Variants in PDE8A observed in about 807,000 individuals in gnomAD.
PDE8A encodes the protein phosphodiesterase 8A, also known as high affinity cAMP-specific and IBMX-insensitive 3',5'-cyclic phosphodiesterase 8A.
PDE8A carries 59 observed loss-of-function variants against 105.0 expected under a neutral mutation model. The ratio of observed to expected loss-of-function variants is 0.56; its 90% CI spans 0.46 to 0.70. PDE8A has a LOEUF of 0.70. Ranked by LOEUF, PDE8A falls within the 30% of genes least tolerant of loss-of-function variation. PDE8A has a pLI of 0.00. For missense variants in PDE8A, 1,014 were observed against 1,045.9 expected, an observed-to-expected ratio of 0.97 and a Z score of 0.42; for synonymous variants, 355 against 371.9, an observed-to-expected ratio of 0.95 and a Z score of 0.52.
Position 85,137,802 on chromosome 15 carries a change from G to GTA in PDE8A, c.2390_2391dup (p.Asp798Ter). On this transcript the variant is annotated frameshift_variant, in exon 22 of 22. Transcript: ENST00000394553. LOFTEE classifies it high-confidence loss of function. Reference sequence around the variant, plus strand: ...ATTCCTATCTTTCTCTCCAGCCTTTGTAGACCTGCCTGATTTAATGCAGCA... The same window carrying GTA: ...ATTCCTATCTTTCTCTCCAGCCTTTGTATAGACCTGCCTGATTTAATGCAGCA... 6.2e-7 allele frequency: 1 copy of GTA among 1,602,144 alleles called. No individual in the cohort carries two copies. Among genetic ancestry groups the GTA allele is most frequent in the Non-Finnish European group, 8.6e-7 (1 of 1,169,012 alleles).
chr15:85,116,218 T>G, intron 16 of PDE8A, 99 bp downstream of exon 16: 2 of 1,262,580 alleles, frequency 1.6e-6, no homozygotes, highest in Non-Finnish European at 2.2e-6. Context: ...GCCTGGTACC[T>G]GGTCAGGGTG....
intron 8 of PDE8A, among the ~76,000 whole-genome samples, chr15:85,097,119 G>A (rs2081768398): frequency 6.7e-6 from 1 of 149,222 alleles, no homozygotes; most frequent in Admixed American, 6.6e-5. Flanking sequence ...ATACCCTAGG[G>A]GTTCAGTGTC....
intron 8 of PDE8A, among the ~76,000 whole-genome samples, chr15:85,096,464 TAAAG>T (rs2081755554): frequency 1.3e-5 from 2 of 152,090 alleles, no homozygotes; most frequent in South Asian, 4.1e-4. Flanking sequence ...TCTCAAAAGA[TAAAG>T]AAAGTATACT....
At chr15:85,014,696 T>C (rs1326105856) in intron 1 of PDE8A, among the ~76,000 whole-genome samples, 1 of 152,206 alleles carries the variant, frequency 6.6e-6, no homozygotes, top group African/African-American at 2.4e-5. Context: ...GTACTCTTGA[T>C]TTGCTTTTCT....
At chr15:85,001,135 C>G (rs1157598223) in intron 1 of PDE8A, among the ~76,000 whole-genome samples, 1 of 152,168 alleles carries the variant, frequency 6.6e-6, no homozygotes, top group East Asian at 1.9e-4. Flanking sequence ...TCCTGTGCCT[C>G]ACACACTGAA....
At chr15:85,136,335 A>G (rs2082408968) in intron 20 of PDE8A, among the ~76,000 whole-genome samples, 199 bp from the exon 21 acceptor site, 1 of 152,306 alleles carries the variant, frequency 6.6e-6, no homozygotes, top group African/African-American at 2.4e-5. Flanking sequence ...CTCAGACCCC[A>G]CTGACATGGA....
intron 1 of PDE8A, among the ~76,000 whole-genome samples, chr15:85,028,726 T>G (rs112036186): frequency 2.0e-5 from 3 of 152,216 alleles, no homozygotes; most frequent in African/African-American, 7.2e-5. Flanking sequence ...TTTTTAATCC[T>G]CATCTCAAAT....
chr15:85,135,970 C>T (rs2082402764), intron 20 of PDE8A, among the ~76,000 whole-genome samples: 1 of 152,028 alleles, frequency 6.6e-6, no homozygotes, highest in Non-Finnish European at 1.5e-5. Flanking sequence ...TAAAGTGGCC[C>T]CTGTGTGGGG....
chr15:85,100,307 CTG>C, intron 11 of PDE8A, 109 bp downstream of exon 11: 1 of 943,944 alleles, frequency 1.1e-6, no homozygotes, highest in Non-Finnish European at 1.6e-6. Flanking sequence ...TTTCCTCAGA[CTG>C]TGGCAACATT....
intron 1 of PDE8A, among the ~76,000 whole-genome samples, chr15:85,014,116 C>G (rs2080284045): frequency 6.6e-6 from 1 of 151,156 alleles, no homozygotes; most frequent in Non-Finnish European, 1.5e-5. Flanking sequence ...TCACATCTTT[C>G]TTTCTTCCTT....
intron 20 of PDE8A, among the ~76,000 whole-genome samples, chr15:85,130,508 G>C (rs1316314778): frequency 1.3e-5 from 2 of 152,076 alleles, no homozygotes; most frequent in Non-Finnish European, 2.9e-5. Context: ...CCTGGAGAAT[G>C]TTCCATTTGC....
At chr15:85,029,065 T>G (rs2080568241) in intron 1 of PDE8A, among the ~76,000 whole-genome samples, 1 of 152,174 alleles carries the variant, frequency 6.6e-6, no homozygotes, top group Non-Finnish European at 1.5e-5. Flanking sequence ...GGGCATTTAG[T>G]ATTTCATTTA....
chr15:85,112,765 C>A (rs922240544), intron 12 of PDE8A, among the ~76,000 whole-genome samples: 1 of 152,154 alleles, frequency 6.6e-6, no homozygotes, highest in Non-Finnish European at 1.5e-5. Flanking sequence ...GCCTATATTG[C>A]CTGGGCTTCT....
chr15:85,117,614 A>G (rs768346731), intron 16 of PDE8A, 27 bp from the exon 17 acceptor site: 1 of 1,596,582 alleles, frequency 6.3e-7, no homozygotes, highest in South Asian at 1.1e-5. Flanking sequence ...CTTTGTTCTA[A>G]TATTGTGGGG....
intron 1 of PDE8A, among the ~76,000 whole-genome samples, chr15:85,032,741 T>C (rs1313272400): frequency 1.3e-5 from 2 of 152,110 alleles, no homozygotes; most frequent in African/African-American, 4.8e-5. Flanking sequence ...AGTGGAAAAA[T>C]GCATGGGAAA....
intron 6 of PDE8A, among the ~76,000 whole-genome samples, chr15:85,088,489 C>T (rs1183748209): frequency 6.6e-6 from 1 of 152,204 alleles, no homozygotes; most frequent in Non-Finnish European, 1.5e-5. Context: ...GGATATACCA[C>T]ATTTTGTTTA....
chr15:85,047,020 G>A (rs2080897869), intron 1 of PDE8A, among the ~76,000 whole-genome samples: 1 of 152,014 alleles, frequency 6.6e-6, no homozygotes, highest in African/African-American at 2.4e-5. Context: ...ATATTTAAAA[G>A]TATAAAAGAT....
intron 3 of PDE8A, among the ~76,000 whole-genome samples, chr15:85,067,515 T>A (rs2081248588): frequency 6.6e-6 from 1 of 152,202 alleles, no homozygotes; most frequent in East Asian, 1.9e-4. Context: ...TTTTTCAGAT[T>A]GTTTTCAAAG....
At chr15:85,052,285 G>C (rs150314849) in intron 1 of PDE8A, among the ~76,000 whole-genome samples, 17 of 152,324 alleles carry the variant, frequency 1.1e-4, no homozygotes, top group African/African-American at 4.1e-4. Context: ...ATAAACATAT[G>C]TGTGCATGTG....
Sources: gnomAD v4.1 joint callset for allele counts (sites outside exome capture counted in the v4.1 genomes callset) on GRCh38, gnomAD v4.1.1 for gene constraint, MANE v1.5 for transcripts, NCBI Gene and HGNC (gene_info 2026-07-23, HGNC 2026-07-21) for gene names.